CNGB3: variants seen among roughly 807,000 people sequenced by gnomAD.
CNGB3 encodes cyclic nucleotide-gated channel beta-3.
In CNGB3, 86 loss-of-function variants were observed where a neutral mutation model predicts 92.8. That is an observed-to-expected ratio of 0.93 (90% CI 0.78 to 1.11). The LOEUF (loss-of-function observed/expected upper bound fraction) is 1.11, where lower values mean the gene tolerates loss of function less well. CNGB3 is among the 50% of genes least tolerant of loss of function. The pLI is 0.00. For synonymous variants in CNGB3, 333 were observed against 332.7 expected (o/e 1.00, Z -0.01); for missense variants, 1,026 against 956.8 (o/e 1.07, Z -0.95).
At chr8:86,598,060 G>A (rs1432642833) in intron 15 of CNGB3, among the ~76,000 whole-genome samples, 2 of 152,332 alleles carry the variant, frequency 1.3e-5, no homozygotes, top group East Asian at 1.9e-4. Flanking sequence ...GCAACCTGAA[G>A]TAGAGAGGTA....
At chr8:86,648,773 T>C (rs572933900) in intron 7 of CNGB3, among the ~76,000 whole-genome samples, 5 of 151,078 alleles carry the variant, frequency 3.3e-5, no homozygotes, top group Admixed American at 2.6e-4. Flanking sequence ...GCCACACATA[T>C]AAAATAGAGA....
At chr8:86,676,100 A>ATGTGGAT in intron 3 of CNGB3, among the ~76,000 whole-genome samples, 1 of 152,152 alleles carries the variant, frequency 6.6e-6, no homozygotes, top group Non-Finnish European at 1.5e-5. Context: ...CATTTATAAG[A>ATGTGGAT]CGTGGATCTT....
At chr8:86,654,634 T>C (rs554783603) in intron 6 of CNGB3, among the ~76,000 whole-genome samples, 82 of 152,322 alleles carry the variant, frequency 5.4e-4, no homozygotes, top group African/African-American at 1.7e-3. Flanking sequence ...ACTGAATGAA[T>C]AAAGAAATGG....
chr8:86,721,328 A>G (rs1824968302), intron 3 of CNGB3, among the ~76,000 whole-genome samples: 1 of 152,060 alleles, frequency 6.6e-6, no homozygotes, highest in South Asian at 2.1e-4. Context: ...AAAACCAAAC[A>G]TTGTACATTC....
At chr8:86,663,103 G>C (rs2131611561) in intron 6 of CNGB3, among the ~76,000 whole-genome samples, 1 of 152,098 alleles carries the variant, frequency 6.6e-6, no homozygotes, top group East Asian at 1.9e-4. Flanking sequence ...GTAAAGTGTA[G>C]GAAACACAGA....
chr8:86,616,125 C>T (rs546925268), intron 13 of CNGB3, among the ~76,000 whole-genome samples: 21 of 152,102 alleles, frequency 1.4e-4, no homozygotes, highest in Admixed American at 4.6e-4. Context: ...GCACTTACAT[C>T]GATAGCTTTC....
Position 86,578,832 on chromosome 8 carries a change from C to G in CNGB3, c.1960G>C (p.Glu654Gln), listed in dbSNP as rs2131532218. The G allele has an allele frequency of 6.2e-7, 1 of 1,614,158 alleles. No homozygotes were observed. Among genetic ancestry groups the G allele is most frequent in the African/African-American group, 1.3e-5 (1 of 75,026 alleles). ...VLLKQKAKTAEATPPRKDLAL... is the reference protein window; with the variant it reads ...VLLKQKAKTAQATPPRKDLAL... ...AGATCTTTTCTTGGAGGGGTTGCTT[C>G]TGCGGTCTTAGCCTTCTGCTTTAAA... Residue 654 changes from glutamate (E) to glutamine (Q), a missense_variant, in exon 17 of 18, where the codon GAA becomes CAA. By Grantham distance (29) the Glu-to-Gln change is conservative. Transcript: ENST00000320005.
intron 8 of CNGB3, among the ~76,000 whole-genome samples, chr8:86,645,297 T>C (rs747201810): frequency 1.4e-4 from 21 of 151,312 alleles, no homozygotes; most frequent in Non-Finnish European, 2.8e-4. Flanking sequence ...CAACCTTTTC[T>C]GCCTGCATGC....
intron 11 of CNGB3, 43 bp from the exon 12 acceptor site, chr8:86,629,121 T>C (rs776977463): frequency 8.1e-6 from 13 of 1,609,884 alleles, no homozygotes; most frequent in South Asian, 2.2e-5. Flanking sequence ...GCAGAGGAAA[T>C]GAGTTAATAA....
chr8:86,667,213 T>G, intron 5 of CNGB3, 80 bp from the exon 6 acceptor site: 1 of 1,221,108 alleles, frequency 8.2e-7, no homozygotes, highest in South Asian at 1.3e-5. Context: ...TTGGGGAGGT[T>G]GGGGCACTAC....
intron 13 of CNGB3, among the ~76,000 whole-genome samples, chr8:86,616,176 C>A (rs1263423620): frequency 6.6e-6 from 1 of 152,172 alleles, no homozygotes; most frequent in Admixed American, 6.5e-5. Flanking sequence ...ACATTTGAAC[C>A]AATCTAAATA....
intron 3 of CNGB3, among the ~76,000 whole-genome samples, chr8:86,722,140 T>C (rs1824982694): frequency 6.6e-6 from 1 of 152,186 alleles, no homozygotes; most frequent in African/African-American, 2.4e-5. Context: ...TTTCACTCAC[T>C]CGCTGCTTGT....
At chr8:86,589,736 G>T (rs1010899333) in intron 15 of CNGB3, among the ~76,000 whole-genome samples, 3 of 152,002 alleles carry the variant, frequency 2.0e-5, no homozygotes, top group Non-Finnish European at 4.4e-5. Flanking sequence ...TTTTACATTT[G>T]CTGAGGAGAG....
At chr8:86,579,044 T>C in intron 16 of CNGB3, 62 bp downstream of exon 16, 1 of 1,600,908 alleles carries the variant, frequency 6.2e-7, no homozygotes, top group Non-Finnish European at 8.6e-7. Context: ...GTTCTCCCTA[T>C]CTCAGAGTTT....
intron 6 of CNGB3, among the ~76,000 whole-genome samples, chr8:86,665,311 T>A (rs907529827): frequency 6.6e-6 from 1 of 152,214 alleles, no homozygotes; most frequent in Non-Finnish European, 1.5e-5. Context: ...ACTTATAAAC[T>A]GTTGGTAGGA....
chr8:86,717,224 A>G (rs1259006690), intron 3 of CNGB3, among the ~76,000 whole-genome samples: 2 of 152,092 alleles, frequency 1.3e-5, no homozygotes, highest in African/African-American at 4.8e-5. Context: ...TAAAACAATT[A>G]CTACTAGACC....
chr8:86,740,543 A>G (rs1190876331), intron 1 of CNGB3, among the ~76,000 whole-genome samples: 2 of 152,208 alleles, frequency 1.3e-5, no homozygotes, highest in Admixed American at 6.5e-5. Flanking sequence ...GTGACTGTAC[A>G]TAGGTGGGGA....
In CNGB3 at chr8:86,626,085, A is replaced by T. The variant is rs777103842; in HGVS notation, c.1481-5T>A. 1 of 1,604,760 alleles carries T rather than the reference A, an allele frequency of 6.2e-7. No individual in the cohort carries two copies. The highest frequency in any genetic ancestry group is 8.5e-7 in the Non-Finnish European group (1 of 1,171,776). ...TCTTAAGCAAATCAGACTCATCTTT[A>T]TAAAGATAAACACATCAAACCCCGA... is the stretch of plus-strand genomic sequence containing the variant. On this transcript the variant is annotated splice_region_variant and splice_polypyrimidine_tract_variant and intron_variant, in intron 12 of 17. Coordinates refer to ENST00000320005, the MANE Select transcript of CNGB3 (RefSeq NM_019098.5).
At chr8:86,644,985 A>AT (rs1439852864) in intron 8 of CNGB3, among the ~76,000 whole-genome samples, 2 of 151,186 alleles carry the variant, frequency 1.3e-5, no homozygotes, top group Non-Finnish European at 3.0e-5. Context: ...TTTTGAAAGC[A>AT]TGTAGTAGAA....
Sources: allele counts gnomAD v4.1 joint callset (sites outside exome capture counted in the v4.1 genomes callset), GRCh38; gene constraint gnomAD v4.1.1; transcripts MANE v1.5; gene names NCBI Gene and HGNC (gene_info 2026-07-23, HGNC 2026-07-21).